RPS6KC1: variants seen among roughly 807,000 people sequenced by gnomAD.
The protein encoded by RPS6KC1 is ribosomal protein S6 kinase C1, also known as inactive ribosomal protein S6 kinase delta-1.
Under a neutral mutation model 103.8 loss-of-function variants are expected in RPS6KC1, and 54 were observed. The observed-to-expected ratio is 0.52, with a 90% CI of 0.42 to 0.65. The LOEUF (loss-of-function observed/expected upper bound fraction) is 0.65, where lower values mean the gene tolerates loss of function less well. Ranked by LOEUF, RPS6KC1 falls within the 30% of genes least tolerant of loss-of-function variation. RPS6KC1 has a pLI of 0.00. For missense variants in RPS6KC1, 1,151 were observed against 1,253.8 expected (o/e 0.92, Z 1.24); for synonymous variants, 439 against 438.7 (o/e 1.00, Z -0.01).
chr1:213,356,612 C>T, the RPS6KC1 span, among the ~76,000 whole-genome samples: 1 of 152,106 alleles, frequency 6.6e-6, no homozygotes, highest in Admixed American at 6.5e-5. Context: ...GCTGAGATGG[C>T]ACCACTGCAT....
intron 2 of RPS6KC1, among the ~76,000 whole-genome samples, chr1:213,074,621 T>G: frequency 6.6e-6 from 1 of 152,122 alleles, no homozygotes; most frequent in East Asian, 1.9e-4. Flanking sequence ...TTAGGTATTT[T>G]GGTTCTGCAG....
At chr1:213,860,814 C>CT in the RPS6KC1 span, among the ~76,000 whole-genome samples, 12,767 of 144,774 alleles carry the variant, frequency 0.088, 1,762 homozygotes, top group African/African-American at 0.3. Context: ...TTTTTCTTTT[C>CT]TTTTTTTTTT....
At chr1:213,342,731 AT>A in the RPS6KC1 span, among the ~76,000 whole-genome samples, 3 of 152,240 alleles carry the variant, frequency 2.0e-5, no homozygotes, top group Non-Finnish European at 1.5e-5. Flanking sequence ...TCATAAGTGA[AT>A]AATGAGACAC....
chr1:213,187,007 A>C (rs1402797871), intron 8 of RPS6KC1, among the ~76,000 whole-genome samples: 1 of 152,104 alleles, frequency 6.6e-6, no homozygotes, highest in Non-Finnish European at 1.5e-5. Context: ...GCCTAGGATC[A>C]GTGATTCTCC....
chr1:213,825,969 A>T, the RPS6KC1 span, among the ~76,000 whole-genome samples: 3 of 152,230 alleles, frequency 2.0e-5, no homozygotes, highest in South Asian at 6.2e-4. Flanking sequence ...GGCTAATTGT[A>T]TATTAATTTC....
chr1:213,270,522 T>A (rs2095022348), intron 14 of RPS6KC1, among the ~76,000 whole-genome samples: 1 of 152,148 alleles, frequency 6.6e-6, no homozygotes, highest in Non-Finnish European at 1.5e-5. Context: ...ATACCTGTAA[T>A]CCCAGCACTT....
intron 8 of RPS6KC1, among the ~76,000 whole-genome samples, chr1:213,216,912 G>A (rs2093680273): frequency 6.6e-6 from 1 of 151,942 alleles, no homozygotes; most frequent in Non-Finnish European, 1.5e-5. Flanking sequence ...GCCCACAAGA[G>A]AAAGCAGGAA....
the RPS6KC1 span, among the ~76,000 whole-genome samples, chr1:213,608,483 C>T: frequency 5.9e-5 from 9 of 152,154 alleles, no homozygotes; most frequent in South Asian, 2.1e-4. Flanking sequence ...CAGGATTCCA[C>T]GGTGGCAAAA....
At chr1:213,123,030 C>G (rs2084578910) in intron 5 of RPS6KC1, among the ~76,000 whole-genome samples, 1 of 152,028 alleles carries the variant, frequency 6.6e-6, no homozygotes, top group South Asian at 2.1e-4. Flanking sequence ...CATGGTATGC[C>G]ATGGGAATCA....
At chr1:213,732,338 T>C in the RPS6KC1 span, among the ~76,000 whole-genome samples, 1 of 123,256 alleles carries the variant, frequency 8.1e-6, no homozygotes, top group Admixed American at 8.9e-5. Context: ...CTGAATGGTA[T>C]GTATGTATGA....
At chr1:213,334,912 C>G in the RPS6KC1 span, among the ~76,000 whole-genome samples, 1 of 152,164 alleles carries the variant, frequency 6.6e-6, no homozygotes, top group South Asian at 2.1e-4. Context: ...TAACAGGATG[C>G]ACACTGAAGG....
At chr1:213,348,341 T>C in the RPS6KC1 span, among the ~76,000 whole-genome samples, 13 of 152,290 alleles carry the variant, frequency 8.5e-5, no homozygotes, top group African/African-American at 2.9e-4. Flanking sequence ...ATTCTTCTTA[T>C]CTCCATGGTT....
the RPS6KC1 span, among the ~76,000 whole-genome samples, chr1:213,567,203 T>C: frequency 8.5e-5 from 13 of 152,312 alleles, no homozygotes; most frequent in African/African-American, 3.1e-4. Flanking sequence ...ACTATTTTTT[T>C]CCCCTCATCC....
chr1:213,545,675 G>A, the RPS6KC1 span, among the ~76,000 whole-genome samples: 1 of 151,804 alleles, frequency 6.6e-6, no homozygotes, highest in East Asian at 1.9e-4. Context: ...GGTACTGGGG[G>A]GTTAGGACTT....
At chr1:213,668,326 A>G in the RPS6KC1 span, among the ~76,000 whole-genome samples, 2 of 152,030 alleles carry the variant, frequency 1.3e-5, no homozygotes, top group African/African-American at 4.8e-5. Context: ...CATCTTGTAT[A>G]TCTCCATCAG....
At chr1:213,718,549 A>G in the RPS6KC1 span, among the ~76,000 whole-genome samples, 1 of 152,244 alleles carries the variant, frequency 6.6e-6, no homozygotes, top group Non-Finnish European at 1.5e-5. Flanking sequence ...GTTTATTGCC[A>G]TAAATGGCTG....
At chr1:213,718,238 A>G in the RPS6KC1 span, among the ~76,000 whole-genome samples, 66 of 152,358 alleles carry the variant, frequency 4.3e-4, no homozygotes, top group African/African-American at 1.5e-3. Flanking sequence ...TACTTGTGGC[A>G]GAAAGGTAGA....
At chr1:213,826,781 A>T in the RPS6KC1 span, among the ~76,000 whole-genome samples, 1 of 152,180 alleles carries the variant, frequency 6.6e-6, no homozygotes, top group Non-Finnish European at 1.5e-5. Flanking sequence ...AAGGGGGGGA[A>T]GTACTATTAT....
intron 12 of RPS6KC1, among the ~76,000 whole-genome samples, chr1:213,252,586 A>G (rs949459714): frequency 1.3e-5 from 2 of 152,026 alleles, no homozygotes; most frequent in Non-Finnish European, 2.9e-5. Flanking sequence ...ATGTTGTCTT[A>G]TTTACCAGAG....
Sources: gnomAD v4.1 joint callset for allele counts (sites outside exome capture counted in the v4.1 genomes callset) on GRCh38, gnomAD v4.1.1 for gene constraint, MANE v1.5 for transcripts, NCBI Gene and HGNC (gene_info 2026-07-23, HGNC 2026-07-21) for gene names.